SPG7: variants seen among roughly 807,000 people sequenced by gnomAD.
SPG7 encodes the protein SPG7 matrix AAA peptidase subunit, paraplegin.
In SPG7, 103 loss-of-function variants were observed where a neutral mutation model predicts 81.9. The observed-to-expected ratio is 1.26, with a 90% CI of 1.07 to 1.48. SPG7 has a LOEUF of 1.48. SPG7 is among the 40% of genes most tolerant of loss of function. The probability of loss-of-function intolerance (pLI) is 0.00; values close to 1 mark genes in which losing one functional copy is unlikely to be tolerated. For synonymous variants in SPG7, 534 were observed against 444.2 expected, an observed-to-expected ratio of 1.20 and a Z score of -2.54; for missense variants, 1,241 against 1,087.3, an observed-to-expected ratio of 1.14 and a Z score of -1.99.
rs1472765875 is a variant in SPG7 at position 89,528,438 on chromosome 16, C to CCATT, written c.759-1037_759-1034dup. On this transcript the variant is annotated intron_variant, in intron 5 of 16. Coordinates refer to ENST00000645818, the MANE Select transcript of SPG7 (RefSeq NM_003119.4). ...AAGAAGATGGAGGTTTGGGGCAGGC[C>CCATT]CATTCTCATGTCTTCGTAGGCCGAT... 1.1e-4 allele frequency among the ~76,000 whole-genome samples: 16 copies of CCATT among 150,722 alleles called. No homozygotes were observed. The East Asian group carries it at 3.2e-3, about 30-fold the overall frequency.
intron 9 of SPG7, chr16:89,537,507 A>ATCGTC: frequency 1.0e-6 from 1 of 993,708 alleles, no homozygotes. Context: ...CACACAGAAA[A>ATCGTC]GGCTGCTGTG....
chr16:89,531,121 G>A (rs550337688), intron 7 of SPG7: 203 of 466,374 alleles, frequency 4.4e-4, no homozygotes, highest in Middle Eastern at 3.2e-3. Context: ...TTAGCCAGTT[G>A]GTGGCAGTGC....
chr16:89,534,081 C>T (rs1324756916), intron 9 of SPG7, among the ~76,000 whole-genome samples: 2 of 152,170 alleles, frequency 1.3e-5, no homozygotes, highest in East Asian at 1.9e-4. Context: ...TCAGTATATT[C>T]GCACTGTTGA....
Position 89,510,476 on chromosome 16 carries a change from T to G in SPG7, c.184-14T>G, listed in dbSNP as rs746242801. On this transcript the variant is annotated splice_polypyrimidine_tract_variant and intron_variant, in intron 1 of 16. Transcript: ENST00000645818. ...TTGGTGTGACCTCCAGTATTGTTTT[T>G]TTTTTTTTTTCAGAGCTTACAATTG... is the stretch of plus-strand genomic sequence containing the variant. 4.5e-6 allele frequency: 7 copies of G among 1,546,900 alleles called. No individual in the cohort carries two copies. Among genetic ancestry groups the G allele is most frequent in the South Asian group, 2.2e-5 (2 of 89,678 alleles).
In SPG7 at chr16:89,508,498, G is replaced by A. The variant is rs753537336; in HGVS notation, c.81G>A (p.Pro27=). The A allele has an allele frequency of 2.6e-6, 4 of 1,512,650 alleles. No individual in the cohort carries two copies. The South Asian group carries it at 3.7e-5, about 14-fold the overall frequency. The allele number at this position is 1,512,650 out of a possible 1,614,324, so 93.7% of individuals were successfully genotyped here. Reference sequence around the variant, plus strand: ...CTCGGCCGCTGTGGGGCCCAGGCCCGGCCTGGAGTCCAGGGTTCCCCGCCA... The same window carrying A: ...CTCGGCCGCTGTGGGGCCCAGGCCCAGCCTGGAGTCCAGGGTTCCCCGCCA... ...PGPRPLWGPG[P]AWSPGFPARP... The change falls in exon 1 of 17, where the codon CCG becomes CCA. Residue 27 remains proline, a synonymous_variant. Coordinates refer to ENST00000645818, the MANE Select transcript of SPG7 (RefSeq NM_003119.4).
intron 3 of SPG7, chr16:89,514,624 C>A (rs1263041125): frequency 6.6e-6 from 1 of 152,102 alleles, no homozygotes; most frequent in Non-Finnish European, 1.5e-5. Flanking sequence ...CCTCAGCCTC[C>A]CTAGTAGCTG....
chr16:89,527,790 C>G (rs985962564), intron 5 of SPG7, among the ~76,000 whole-genome samples: 1 of 152,168 alleles, frequency 6.6e-6, no homozygotes, highest in Non-Finnish European at 1.5e-5. Context: ...CTGGCAAGTA[C>G]TCCCTTGATC....
At chr16:89,537,292 G>A (rs2152406208) in intron 9 of SPG7, 1 of 1,307,614 alleles carries the variant, frequency 7.6e-7, no homozygotes, top group Admixed American at 3.4e-5. Context: ...AGAGCCCCCG[G>A]GAAGGGCGCA....
In SPG7 at chr16:89,512,090, T is replaced by A. The variant is rs183349613; in HGVS notation, c.287-858T>A. 1.3e-3 allele frequency among the ~76,000 whole-genome samples: 205 copies of A among 151,938 alleles called. 2 individuals carry two copies. The East Asian group carries it at 0.037, about 28-fold the overall frequency. On this transcript the variant is annotated intron_variant, in intron 2 of 16. Coordinates refer to ENST00000645818, the MANE Select transcript of SPG7 (RefSeq NM_003119.4). ...CTATGCCCGGCTAATTTTTTGTATT[T>A]TTAGTAGAGACGGGGTTTCACCATG...
chr16:89,551,818 G>C (rs1349928409), intron 13 of SPG7: 2 of 152,148 alleles, frequency 1.3e-5, no homozygotes, highest in East Asian at 1.9e-4. Flanking sequence ...TTAAACCCGG[G>C]AGGCAGAGTC....
In SPG7 at chr16:89,531,902, A is replaced by G. The variant is rs776713918; in HGVS notation, c.988-2A>G. Reference sequence around the variant, plus strand: ...AGTGTTGCATTGTCTGCTGCCGTCCAGAGCCCAGAACGCTTCCTCCAGCTT... The same window carrying G: ...AGTGTTGCATTGTCTGCTGCCGTCCGGAGCCCAGAACGCTTCCTCCAGCTT... On this transcript the variant is annotated splice_acceptor_variant, in intron 7 of 16. Coordinates refer to ENST00000645818, the MANE Select transcript of SPG7 (RefSeq NM_003119.4). LOFTEE classifies it high-confidence loss of function. 6.2e-7 allele frequency: 1 copy of G among 1,614,118 alleles called. No homozygotes were observed. The highest frequency in any genetic ancestry group is 8.5e-7 in the Non-Finnish European group (1 of 1,179,970).
intron 8 of SPG7, 24 bp downstream of exon 8, chr16:89,532,090 T>G: frequency 6.2e-7 from 1 of 1,608,376 alleles, no homozygotes. Context: ...TTGGGGGCTG[T>G]GGGTGGGCTT....
chr16:89,525,014 GGT>G (rs1194523009), intron 4 of SPG7, among the ~76,000 whole-genome samples: 2 of 149,666 alleles, frequency 1.3e-5, no homozygotes, highest in East Asian at 3.9e-4. Flanking sequence ...GAGATGCAGG[GGT>G]GTGTGTGATG....
intron 14 of SPG7, chr16:89,553,403 TAAA>T: frequency 1.9e-6 from 1 of 537,740 alleles, no homozygotes; most frequent in Non-Finnish European, 3.3e-6. Flanking sequence ...GGAAACGGAA[TAAA>T]ATTGAAGCGG....
rs1463225651 is a variant in SPG7, at chr16:89,550,607, A to T, written c.1777A>T (p.Lys593Ter). Residue 593 changes from lysine (K) to a stop codon, truncating the protein, a stop_gained and splice_region_variant, in exon 13 of 17, where the codon AAG (lysine) becomes TAG (stop). Coordinates refer to ENST00000645818, the MANE Select transcript of SPG7 (RefSeq NM_003119.4). LOFTEE classifies it high-confidence loss of function. Reference protein sequence around the residue: ...WMLEHTEAVMKVSITPRTNAA... With the variant: ...WMLEHTEAVM ...GCTGGAGCACACGGAGGCCGTGATG[A>T]AGGTGGGTCTTGGCAGGTGCCGGCT... is the stretch of plus-strand genomic sequence containing the variant. The T allele has an allele frequency of 1.9e-6, 3 of 1,611,562 alleles. No homozygotes were observed. Among genetic ancestry groups the T allele is most frequent in the Admixed American group, 1.7e-5 (1 of 60,032 alleles).
chr16:89,533,991 C>G (rs1029102416), intron 9 of SPG7, among the ~76,000 whole-genome samples: 5 of 152,156 alleles, frequency 3.3e-5, no homozygotes, highest in African/African-American at 1.2e-4. Context: ...CTGGACAACA[C>G]AGCGAGACCC....
chr16:89,543,227 G>C (rs377407889), intron 9 of SPG7: 6 of 151,726 alleles, frequency 4.0e-5, no homozygotes, highest in Admixed American at 6.6e-5. Context: ...GATTACAGGC[G>C]TGAGCCACCG....
At chr16:89,549,150 T>G (rs759394258) in intron 12 of SPG7, 16 of 456,606 alleles carry the variant, frequency 3.5e-5, no homozygotes, top group South Asian at 2.5e-4. Context: ...CCATTTACTT[T>G]TATGTGGAAA....
intron 9 of SPG7, chr16:89,536,663 G>A (rs1214656266): frequency 7.0e-7 from 1 of 1,431,874 alleles, no homozygotes; most frequent in Non-Finnish European, 9.8e-7. Context: ...GGCAGGCGAG[G>A]CGGGTGAGAT....
Sources: gnomAD v4.1 joint callset for allele counts (sites outside exome capture counted in the v4.1 genomes callset) on GRCh38, gnomAD v4.1.1 for gene constraint, MANE v1.5 for transcripts, NCBI Gene and HGNC (gene_info 2026-07-23, HGNC 2026-07-21) for gene names.